The following SLC44A5 variants were observed in gnomAD, a reference collection of about 807,000 sequenced individuals.
SLC44A5 encodes the protein choline transporter-like protein 5.
In SLC44A5, 57 loss-of-function variants were observed where a neutral mutation model predicts 101.8. That is an observed-to-expected ratio of 0.56 (90% CI 0.45 to 0.70). The LOEUF is 0.70. Among genes scored for constraint, SLC44A5 ranks in the 30% least tolerant of loss-of-function variants. The pLI is 0.00. For synonymous variants in SLC44A5, 281 were observed against 290.9 expected, an observed-to-expected ratio of 0.97 and a Z score of 0.35; for missense variants, 737 against 853.1, an observed-to-expected ratio of 0.86 and a Z score of 1.70.
the SLC44A5 span, among the ~76,000 whole-genome samples, chr1:75,692,182 A>ATTTT: frequency 1.9e-5 from 2 of 107,514 alleles, no homozygotes; most frequent in African/African-American, 7.9e-5. Flanking sequence ...AAAAGATGGG[A>ATTTT]TTCTTTTTTT....
chr1:75,398,531 C>G (rs1662272931), intron 2 of SLC44A5: 1 of 271,368 alleles, frequency 3.7e-6, no homozygotes, highest in African/African-American at 2.3e-5. Flanking sequence ...CCATTTTACA[C>G]TTGAGAATAC....
chr1:75,681,110 G>T, the SLC44A5 span, among the ~76,000 whole-genome samples: 124 of 152,028 alleles, frequency 8.2e-4, no homozygotes, highest in East Asian at 0.015. Flanking sequence ...TGAAATTGTG[G>T]AAATAATCAA....
intron 3 of SLC44A5, among the ~76,000 whole-genome samples, chr1:75,346,683 T>C (rs2101054171): frequency 6.6e-6 from 1 of 152,280 alleles, no homozygotes; most frequent in Non-Finnish European, 1.5e-5. Context: ...AACAAGAACA[T>C]GAATTGAGCT....
At chr1:75,524,793 AT>A (rs1164403756) in intron 2 of SLC44A5, among the ~76,000 whole-genome samples, 4 of 152,172 alleles carry the variant, frequency 2.6e-5, no homozygotes, top group African/African-American at 9.6e-5. Flanking sequence ...GGCTAGATAT[AT>A]TTATGAATCA....
At chr1:75,548,629 G>T (rs930503774) in intron 1 of SLC44A5, among the ~76,000 whole-genome samples, 1 of 152,008 alleles carries the variant, frequency 6.6e-6, no homozygotes, top group Non-Finnish European at 1.5e-5. Context: ...AACACATCTC[G>T]CATCTGTGAA....
intron 2 of SLC44A5, among the ~76,000 whole-genome samples, chr1:75,491,183 T>C (rs937768904): frequency 3.9e-5 from 6 of 152,162 alleles, no homozygotes; most frequent in South Asian, 2.1e-4. Flanking sequence ...CTTCTGGGTA[T>C]AGTTTCTCTA....
At chr1:75,718,824 CTT>C in the SLC44A5 span, among the ~76,000 whole-genome samples, 6 of 152,264 alleles carry the variant, frequency 3.9e-5, no homozygotes, top group Non-Finnish European at 7.4e-5. Context: ...GTCAAGAAAA[CTT>C]TTTTGTTTTG....
the SLC44A5 span, among the ~76,000 whole-genome samples, chr1:75,697,967 G>T: frequency 6.6e-6 from 1 of 152,230 alleles, no homozygotes; most frequent in Non-Finnish European, 1.5e-5. Context: ...CCATGCACCA[G>T]GAGATTATAT....
At chr1:75,583,087 A>G (rs211677) in intron 1 of SLC44A5, among the ~76,000 whole-genome samples, 145,738 of 152,228 alleles carry the variant, frequency 0.96, 69,796 homozygotes, top group Admixed American at 0.97. Context: ...TTGATTTGGA[A>G]CGTCCCCTCC....
the SLC44A5 span, among the ~76,000 whole-genome samples, chr1:75,680,097 C>T: frequency 6.6e-6 from 1 of 152,158 alleles, no homozygotes; most frequent in Non-Finnish European, 1.5e-5. Flanking sequence ...TACAGGAGCA[C>T]CCAGATTCAT....
the SLC44A5 span, among the ~76,000 whole-genome samples, chr1:75,638,564 A>G: frequency 4.6e-5 from 7 of 152,056 alleles, no homozygotes; most frequent in African/African-American, 1.7e-4. Flanking sequence ...TGTGTTACAC[A>G]GAGACAGCAA....
intron 1 of SLC44A5, among the ~76,000 whole-genome samples, chr1:75,576,372 T>C (rs1024621747): frequency 6.6e-6 from 1 of 151,638 alleles, no homozygotes; most frequent in Non-Finnish European, 1.5e-5. Context: ...TGGAGTGCAA[T>C]GGCGCGATCT....
chr1:75,661,442 G>A, the SLC44A5 span, among the ~76,000 whole-genome samples: 5 of 120,622 alleles, frequency 4.1e-5, no homozygotes, highest in African/African-American at 1.6e-4. Flanking sequence ...TAGCACATTT[G>A]TCCAGGCAAA....
intron 3 of SLC44A5, among the ~76,000 whole-genome samples, chr1:75,388,917 A>G (rs987613114): frequency 1.3e-5 from 2 of 152,196 alleles, no homozygotes; most frequent in Non-Finnish European, 2.9e-5. Flanking sequence ...TCTGTCTTCA[A>G]GAGACACATA....
Position 75,260,521 on chromosome 1 carries a change from A to G in SLC44A5, c.261-9227T>C, listed in dbSNP as rs1454682771. 2.0e-5 allele frequency among the ~76,000 whole-genome samples: 3 copies of G among 152,218 alleles called. No individual in the cohort carries two copies. In the East Asian group the frequency reaches 5.8e-4, roughly 29 times the overall value. Reference sequence around the variant, plus strand: ...CCAATACAGGAACACCCAGATTATAAAACAAGTTATTAGAGACCTACAAAG... The same window carrying G: ...CCAATACAGGAACACCCAGATTATAGAACAAGTTATTAGAGACCTACAAAG... On this transcript the variant is annotated intron_variant, in intron 6 of 23. Coordinates refer to ENST00000370859, the MANE Select transcript of SLC44A5 (RefSeq NM_001130058.2).
At chr1:75,275,591 A>G (rs1557607179) in intron 5 of SLC44A5, among the ~76,000 whole-genome samples, 1 of 152,136 alleles carries the variant, frequency 6.6e-6, no homozygotes, top group Non-Finnish European at 1.5e-5. Context: ...GACTTACCCT[A>G]AGTTCTGTCT....
At chr1:75,377,241 G>A (rs1302279909) in intron 3 of SLC44A5, among the ~76,000 whole-genome samples, 4 of 132,500 alleles carry the variant, frequency 3.0e-5, no homozygotes, top group Non-Finnish European at 4.8e-5. Context: ...TCTCTGAAAC[G>A]TGTGCTGTGT....
chr1:75,390,124 T>C (rs959581539), intron 3 of SLC44A5, among the ~76,000 whole-genome samples: 1 of 151,938 alleles, frequency 6.6e-6, no homozygotes. Flanking sequence ...ACTGAAACAC[T>C]GAACAGGCCA....
At chr1:75,645,346 G>A in the SLC44A5 span, among the ~76,000 whole-genome samples, 16 of 152,136 alleles carry the variant, frequency 1.1e-4, no homozygotes, top group African/African-American at 3.4e-4. Context: ...GTATCTCATT[G>A]TGGTTTTGAT....
Sources: gnomAD v4.1 joint callset for allele counts (sites outside exome capture counted in the v4.1 genomes callset) on GRCh38, gnomAD v4.1.1 for gene constraint, MANE v1.5 for transcripts, NCBI Gene and HGNC (gene_info 2026-07-23, HGNC 2026-07-21) for gene names.